The following CRYZL1 variants were observed in gnomAD, a reference collection of about 807,000 sequenced individuals.
CRYZL1 encodes crystallin zeta like 1, also known as ferry endosomal RAB5 effector complex subunit 4.
In CRYZL1, 34 loss-of-function variants were observed where a neutral mutation model predicts 50.6. The observed-to-expected ratio is 0.67, with a 90% CI of 0.51 to 0.89. The LOEUF is 0.89. Ranked by LOEUF, CRYZL1 falls within the 40% of genes least tolerant of loss-of-function variation. The pLI is 0.00. For synonymous variants in CRYZL1, 125 were observed against 134.3 expected, an observed-to-expected ratio of 0.93 and a Z score of 0.48; for missense variants, 354 against 402.3, an observed-to-expected ratio of 0.88 and a Z score of 1.03.
At chr21:33,641,035 G>A in intron 1 of CRYZL1, 4 of 1,286,326 alleles carry the variant, frequency 3.1e-6, no homozygotes, top group South Asian at 2.4e-5. Flanking sequence ...AAATTAAAAT[G>A]ACATAAGGGA....
At chr21:33,589,979 G>T in intron 12 of CRYZL1, 58 bp from the exon 13 acceptor site, 1 of 1,000,224 alleles carries the variant, frequency 1.0e-6, no homozygotes, top group Non-Finnish European at 1.5e-6. Flanking sequence ...AGAACAAACA[G>T]GGTGGTATAT....
intron 4 of CRYZL1, 21 bp downstream of exon 4, chr21:33,621,975 T>C: frequency 6.6e-7 from 1 of 1,524,906 alleles, no homozygotes; most frequent in South Asian, 1.1e-5. Context: ...TAAATACATA[T>C]ACTCACATCT....
chr21:33,622,176 T>A, intron 3 of CRYZL1, 108 bp from the exon 4 acceptor site: 1 of 862,582 alleles, frequency 1.2e-6, no homozygotes, highest in South Asian at 1.6e-5. Flanking sequence ...AGAGCAAATA[T>A]GGTTCAAGTT....
chr21:33,628,097 T>C (rs1212923469), intron 2 of CRYZL1, among the ~76,000 whole-genome samples: 2 of 152,226 alleles, frequency 1.3e-5, no homozygotes, highest in South Asian at 4.1e-4. Context: ...TGCATTATTG[T>C]GGTATTCGGA....
intron 2 of CRYZL1, among the ~76,000 whole-genome samples, chr21:33,631,133 G>A (rs2087132864): frequency 6.6e-6 from 1 of 152,208 alleles, no homozygotes. Flanking sequence ...AAAATAGCTA[G>A]AAGAGAGGAT....
intron 7 of CRYZL1, among the ~76,000 whole-genome samples, chr21:33,602,629 A>C (rs963373795): frequency 3.3e-5 from 5 of 152,248 alleles, no homozygotes; most frequent in Admixed American, 6.5e-5. Flanking sequence ...ACATTCAGAC[A>C]CATGGCCTTG....
intron 1 of CRYZL1, chr21:33,639,906 A>C (rs1601356490): frequency 3.4e-6 from 1 of 293,618 alleles, no homozygotes; most frequent in Admixed American, 5.0e-5. Flanking sequence ...GCTCACTGTA[A>C]CCTCCGCCTC....
chr21:33,615,377 C>T (rs1486089538), intron 5 of CRYZL1, among the ~76,000 whole-genome samples: 1 of 151,992 alleles, frequency 6.6e-6, no homozygotes, highest in Non-Finnish European at 1.5e-5. Context: ...TGGTCTTGAA[C>T]TACTGGGCTC....
chr21:33,613,454 A>C, intron 6 of CRYZL1, 84 bp downstream of exon 6: 1 of 940,840 alleles, frequency 1.1e-6, no homozygotes, highest in Non-Finnish European at 1.7e-6. Context: ...CTTATGGTAG[A>C]TTCAAAAAAA....
At chr21:33,591,968 A>AG (rs1339005546) in intron 11 of CRYZL1, among the ~76,000 whole-genome samples, 3 of 151,804 alleles carry the variant, frequency 2.0e-5, no homozygotes, top group African/African-American at 4.8e-5. Context: ...AAGAAAAAAA[A>AG]AAAGAAAGAA....
intron 6 of CRYZL1, among the ~76,000 whole-genome samples, chr21:33,613,259 G>A (rs1354369068): frequency 2.0e-5 from 3 of 152,120 alleles, no homozygotes; most frequent in Non-Finnish European, 4.4e-5. Context: ...TAATTTAAGA[G>A]CCAAGAGAGA....
intron 2 of CRYZL1, among the ~76,000 whole-genome samples, chr21:33,627,147 G>C (rs1214987198): frequency 2.0e-5 from 3 of 152,150 alleles, no homozygotes; most frequent in Non-Finnish European, 2.9e-5. Flanking sequence ...CAGACTCCTG[G>C]CCTAATTGTT....
At chr21:33,623,970 T>C (rs1207411314) in intron 3 of CRYZL1, among the ~76,000 whole-genome samples, 1 of 152,200 alleles carries the variant, frequency 6.6e-6, no homozygotes, top group Non-Finnish European at 1.5e-5. Context: ...TAACTAGTAA[T>C]ATTAGTTAAA....
At chr21:33,641,313 G>GGCCGGGCGCGGTGGCTC in intron 1 of CRYZL1, 1 of 1,544,870 alleles carries the variant, frequency 6.5e-7, no homozygotes, top group South Asian at 1.2e-5. Context: ...TGGCTGAGAA[G>GGCCGGGCGCGGTGGCTC]AAGTAACAGA....
chr21:33,633,399 A>G (rs540970960), intron 1 of CRYZL1, among the ~76,000 whole-genome samples: 2 of 152,156 alleles, frequency 1.3e-5, no homozygotes, highest in African/African-American at 4.8e-5. Context: ...AACATTAGAT[A>G]TATCAATTAA....
At chr21:33,623,215 C>T (rs1043299386) in intron 3 of CRYZL1, among the ~76,000 whole-genome samples, 27 of 152,198 alleles carry the variant, frequency 1.8e-4, no homozygotes, top group African/African-American at 4.6e-4. Context: ...CTGCCTGCCT[C>T]GGCCTCCCAA....
chr21:33,613,672 A>C, intron 5 of CRYZL1, 66 bp from the exon 6 acceptor site: 1 of 1,103,446 alleles, frequency 9.1e-7, no homozygotes, highest in Non-Finnish European at 1.4e-6. Flanking sequence ...AGAGGCCAGT[A>C]TTATTACAAA....
chr21:33,601,659 G>A (rs2086757806), intron 8 of CRYZL1, among the ~76,000 whole-genome samples: 1 of 152,214 alleles, frequency 6.6e-6, no homozygotes, highest in Non-Finnish European at 1.5e-5. Flanking sequence ...GCTCATGCCT[G>A]TAATTCCAGC....
At chr21:33,589,979 G>A in intron 12 of CRYZL1, 58 bp from the exon 13 acceptor site, 2 of 1,000,226 alleles carry the variant, frequency 2.0e-6, no homozygotes, top group Non-Finnish European at 3.1e-6. Context: ...AGAACAAACA[G>A]GGTGGTATAT....
Sources: allele counts gnomAD v4.1 joint callset (sites outside exome capture counted in the v4.1 genomes callset), GRCh38; gene constraint gnomAD v4.1.1; transcripts MANE v1.5; gene names NCBI Gene and HGNC (gene_info 2026-07-23, HGNC 2026-07-21).